COLQ: variants seen among roughly 807,000 people sequenced by gnomAD.
The protein encoded by COLQ is collagen like tail subunit of asymmetric acetylcholinesterase, also known as acetylcholinesterase collagenic tail peptide.
A neutral mutation model predicts 69.0 loss-of-function variants in COLQ; 48 were observed. That is an observed-to-expected ratio of 0.70 (90% confidence interval 0.55 to 0.88). The LOEUF is 0.88. COLQ is among the 40% of genes least tolerant of loss of function. The pLI is 0.00. For missense variants in COLQ, 618 were observed against 594.6 expected (o/e 1.04, Z -0.41); for synonymous variants, 217 against 211.2 (o/e 1.03, Z -0.24).
chr3:15,468,451 T>G (rs1327505231), intron 11 of COLQ, among the ~76,000 whole-genome samples: 1 of 150,710 alleles, frequency 6.6e-6, no homozygotes, highest in African/African-American at 2.4e-5. Context: ...CTGCCTCAGT[T>G]TCCCAAGCAG....
At chr3:15,482,340 A>G in intron 3 of COLQ, among the ~76,000 whole-genome samples, 1 of 152,188 alleles carries the variant, frequency 6.6e-6, no homozygotes, top group Non-Finnish European at 1.5e-5. Flanking sequence ...GATATTGGCT[A>G]CGGGTTTGTC....
At chr3:15,481,239 T>C (rs955171106) in intron 3 of COLQ, among the ~76,000 whole-genome samples, 2 of 152,254 alleles carry the variant, frequency 1.3e-5, no homozygotes, top group African/African-American at 4.8e-5. Context: ...TGGCTTTTGC[T>C]GCCATTGCTT....
At position 15,495,529 on chromosome 3, in the gene COLQ, G is replaced by C. The variant is rs542057988; in HGVS notation, c.107-5892C>G. 2.6e-5 allele frequency among the ~76,000 whole-genome samples: 4 copies of C among 152,338 alleles called. No individual in the cohort carries two copies. The South Asian group carries it at 8.3e-4, about 32-fold the overall frequency. Reference sequence around the variant, plus strand: ...TGTTTAGTTACTTTTGTGGTTGGATGATAGTCCTGTTTTCGTCTGTGTTCA... The same window carrying C: ...TGTTTAGTTACTTTTGTGGTTGGATCATAGTCCTGTTTTCGTCTGTGTTCA... On this transcript the variant is annotated intron_variant, in intron 1 of 16. Transcript: ENST00000383788.
At chr3:15,488,443 G>T in intron 2 of COLQ, 136 bp from the exon 3 acceptor site, 1 of 735,838 alleles carries the variant, frequency 1.4e-6, no homozygotes, top group Non-Finnish European at 2.4e-6. Flanking sequence ...ACTGCCCCAA[G>T]AAGATGACAC....
chr3:15,458,935 C>T (rs1337265040), intron 12 of COLQ, among the ~76,000 whole-genome samples: 2 of 151,944 alleles, frequency 1.3e-5, no homozygotes, highest in Non-Finnish European at 2.9e-5. Flanking sequence ...CCTTTGCCTC[C>T]CAGGTTCAAG....
intron 3 of COLQ, among the ~76,000 whole-genome samples, chr3:15,481,530 G>A (rs1052779843): frequency 1.3e-5 from 2 of 152,174 alleles, no homozygotes; most frequent in African/African-American, 4.8e-5. Context: ...TTGTAGATGT[G>A]TGGTATTATT....
intron 1 of COLQ, among the ~76,000 whole-genome samples, chr3:15,514,786 G>C (rs2063035831): frequency 6.6e-6 from 1 of 152,202 alleles, no homozygotes; most frequent in Non-Finnish European, 1.5e-5. Context: ...TAGTAAGGGA[G>C]GTGGATGGGG....
At chr3:15,475,040 G>A (rs2062356240) in intron 7 of COLQ, 89 bp from the exon 8 acceptor site, 4 of 1,378,204 alleles carry the variant, frequency 2.9e-6, no homozygotes, top group Non-Finnish European at 4.1e-6. Context: ...GAATGTGGTG[G>A]TAAGGTATGT....
In COLQ at chr3:15,521,514, A is replaced by G. The variant is rs201376373; in HGVS notation, c.106+6T>C. On this transcript the variant is annotated splice_donor_region_variant and intron_variant, in intron 1 of 16. Coordinates refer to ENST00000383788, the MANE Select transcript of COLQ (RefSeq NM_005677.4). Reference sequence around the variant, plus strand: ...GGAAGAGAGGAAAGTTGTGGCCATCATTTACCTGCTGAGATTGGAAGAACG... The same window carrying G: ...GGAAGAGAGGAAAGTTGTGGCCATCGTTTACCTGCTGAGATTGGAAGAACG... 1.6e-3 allele frequency: 2,572 copies of G among 1,614,130 alleles called. 1 individual carries two copies. Among genetic ancestry groups the G allele is most frequent in the Non-Finnish European group, 2.0e-3 (2,361 of 1,180,034 alleles).
chr3:15,458,054 T>A (rs2062049774), intron 13 of COLQ, 132 bp downstream of exon 13: 2 of 933,926 alleles, frequency 2.1e-6, no homozygotes, highest in African/African-American at 3.3e-5. Flanking sequence ...TTTTCCAATT[T>A]CCTATAATGA....
intron 10 of COLQ, 32 bp from the exon 11 acceptor site, chr3:15,470,648 C>G (rs776643365): frequency 6.2e-7 from 1 of 1,603,804 alleles, no homozygotes; most frequent in Non-Finnish European, 8.5e-7. Context: ...CAAGAGAGGA[C>G]TTAGGGCATG....
chr3:15,480,454 A>C lies in COLQ; in HGVS notation c.322-1072T>G, dbSNP rs1483068421. ...GTGTTTGGTTTTCTGTCCTTGCGATAGTTTGCTCAGAATGATGGTTTCCAG... is the reference window on the plus strand; with the variant it reads ...GTGTTTGGTTTTCTGTCCTTGCGATCGTTTGCTCAGAATGATGGTTTCCAG... On this transcript the variant is annotated intron_variant, in intron 3 of 16. Transcript: ENST00000383788. Among the ~76,000 whole-genome samples, 11 of 151,940 alleles carry C rather than the reference A, an allele frequency of 7.2e-5. 1 individual carries two copies. The highest frequency in any genetic ancestry group is 5.9e-5 in the Non-Finnish European group (4 of 67,984).
intron 1 of COLQ, chr3:15,498,968 T>C: frequency 8.5e-7 from 1 of 1,173,340 alleles, no homozygotes; most frequent in Non-Finnish European, 1.1e-6. Flanking sequence ...AAAAACCGAC[T>C]TGACTCAAAA....
intron 11 of COLQ, among the ~76,000 whole-genome samples, chr3:15,468,620 C>T (rs1191953266): frequency 1.3e-5 from 2 of 152,120 alleles, no homozygotes; most frequent in South Asian, 2.1e-4. Context: ...AGGCATGAGT[C>T]GCCACTCCCG....
intron 1 of COLQ, among the ~76,000 whole-genome samples, chr3:15,509,467 T>C (rs2125176321): frequency 6.6e-6 from 1 of 152,376 alleles, no homozygotes; most frequent in East Asian, 1.9e-4. Flanking sequence ...AGCTTTCTCC[T>C]TCACAGCCAA....
chr3:15,464,515 C>A (rs1315749522), intron 12 of COLQ, among the ~76,000 whole-genome samples: 4 of 152,116 alleles, frequency 2.6e-5, no homozygotes, highest in African/African-American at 9.7e-5. Context: ...CCTAATAATG[C>A]CTGAATTAAT....
chr3:15,451,203 G>A lies in COLQ; in HGVS notation c.*441C>T. On this transcript the variant is annotated 3_prime_UTR_variant, in exon 17 of 17. Transcript: ENST00000383788. The stretch of plus-strand genomic sequence containing the variant: ...CCCGACAGCGGGCTGCCCAGTGTGA[G>A]TGAGAATGCCTGCACGTTTCGGTGG... The A allele has an allele frequency of 4.1e-6, 1 of 246,634 alleles. No individual in the cohort carries two copies. The highest frequency in any genetic ancestry group is 8.1e-6 in the Non-Finnish European group (1 of 123,076). The allele number at this position is 246,634 out of a possible 1,614,324, so 15.3% of individuals were successfully genotyped here. A position where few individuals can be genotyped will look rare whatever the true frequency, so the allele number is the denominator to read the frequency against.
In COLQ at chr3:15,477,197, C is replaced by T; in HGVS notation, c.394G>A (p.Gly132Ser). The part of the protein sequence containing the change: ...KGELGRPGRK[G>S]RPGPPGVPGM... Reference sequence around the variant, plus strand: ...GGAACACCTGGGGGGCCAGGTCTACCCTTCAAAGACCAAGAACAAAAGTCA... The same window carrying T: ...GGAACACCTGGGGGGCCAGGTCTACTCTTCAAAGACCAAGAACAAAAGTCA... Residue 132 changes from glycine to serine, a missense_variant and splice_region_variant, in exon 6 of 17, where the codon GGT (glycine) becomes AGT (serine). Coordinates refer to ENST00000383788, the MANE Select transcript of COLQ (RefSeq NM_005677.4). 1 of 1,604,542 alleles carries T rather than the reference C, an allele frequency of 6.2e-7. No individual in the cohort carries two copies. Among genetic ancestry groups the T allele is most frequent in the Non-Finnish European group, 8.5e-7 (1 of 1,175,856 alleles).
chr3:15,453,658 G>C (rs2061981327), intron 16 of COLQ, among the ~76,000 whole-genome samples, 171 bp downstream of exon 16: 1 of 152,198 alleles, frequency 6.6e-6, no homozygotes, highest in African/African-American at 2.4e-5. Flanking sequence ...CTGACCAAGA[G>C]GGCACGTGGT....
Sources: gnomAD v4.1 joint callset for allele counts (sites outside exome capture counted in the v4.1 genomes callset) on GRCh38, gnomAD v4.1.1 for gene constraint, MANE v1.5 for transcripts, NCBI Gene and HGNC (gene_info 2026-07-23, HGNC 2026-07-21) for gene names.